Variants in MORC1 observed in about 807,000 individuals in gnomAD.
MORC1 encodes MORC family CW-type zinc finger protein 1.
A neutral mutation model predicts 134.9 loss-of-function variants in MORC1; 59 were observed. That is an observed-to-expected ratio of 0.44 (90% CI 0.35 to 0.54). The LOEUF is 0.54. Among genes scored for constraint, MORC1 ranks in the 20% least tolerant of loss-of-function variants. MORC1 has a pLI of 0.00. For missense variants in MORC1, 947 were observed against 1,134.5 expected (o/e 0.83, Z 2.37); for synonymous variants, 395 against 391.7 (o/e 1.01, Z -0.10).
intron 21 of MORC1, among the ~76,000 whole-genome samples, chr3:108,991,991 T>C (rs1948075128): frequency 6.6e-6 from 1 of 152,138 alleles, no homozygotes. Context: ...TGGTCTTTAG[T>C]TTCTCCTTTT....
chr3:109,004,764 T>TC (rs1187662326), intron 20 of MORC1, 53 bp downstream of exon 20: 9 of 1,514,216 alleles, frequency 5.9e-6, no homozygotes, highest in Non-Finnish European at 8.2e-6. Flanking sequence ...ATTAAAGGTT[T>TC]ATCCTATATG....
intron 21 of MORC1, among the ~76,000 whole-genome samples, chr3:108,990,184 T>C (rs1948007705): frequency 6.6e-6 from 1 of 152,172 alleles, no homozygotes; most frequent in African/African-American, 2.4e-5. Context: ...TTCATAGCAG[T>C]ATGAAAATGG....
At chr3:109,059,688 G>A (rs1051862525) in intron 12 of MORC1, 118 bp downstream of exon 12, 3 of 709,542 alleles carry the variant, frequency 4.2e-6, no homozygotes, top group Non-Finnish European at 6.8e-6. Flanking sequence ...CAGATTATAA[G>A]ATGTCACAAG....
intron 17 of MORC1, among the ~76,000 whole-genome samples, chr3:109,018,525 G>A (rs562815937): frequency 2.0e-5 from 3 of 151,976 alleles, no homozygotes; most frequent in South Asian, 2.1e-4. Context: ...TACAACTCAG[G>A]GCCCTTCCCA....
rs1378622617 is a variant in MORC1 at position 109,117,993 on chromosome 3, A to G, written c.65+2T>C. 6.3e-7 allele frequency: 1 copy of G among 1,598,396 alleles called. No individual in the cohort carries two copies. Among genetic ancestry groups the G allele is most frequent in the East Asian group, 2.3e-5 (1 of 44,054 alleles). On this transcript the variant is annotated splice_donor_variant, in intron 1 of 27. Transcript: ENST00000232603. LOFTEE classifies it high-confidence loss of function. The stretch of plus-strand genomic sequence containing the variant: ...CGACCCCGACCCCACCTCGGCACTC[A>G]CGAGTTGGCGTGGATGAAATCCAGA...
chr3:108,994,014 T>C (rs1393518749), intron 21 of MORC1, among the ~76,000 whole-genome samples: 1 of 152,158 alleles, frequency 6.6e-6, no homozygotes, highest in Non-Finnish European at 1.5e-5. Context: ...TCTTAGGGAT[T>C]CAGAGTGCAC....
intron 17 of MORC1, among the ~76,000 whole-genome samples, chr3:109,016,737 G>A (rs1431285830): frequency 2.6e-5 from 4 of 152,120 alleles, no homozygotes; most frequent in Non-Finnish European, 5.9e-5. Flanking sequence ...GGTGGCGGGC[G>A]CCTGTAATCC....
chr3:109,002,984 C>A (rs551594739), intron 20 of MORC1, among the ~76,000 whole-genome samples: 1 of 152,222 alleles, frequency 6.6e-6, no homozygotes, highest in South Asian at 2.1e-4. Context: ...CTTTTCCTCC[C>A]CTTCTACCAA....
chr3:108,975,891 C>A (rs1322407190), intron 24 of MORC1, among the ~76,000 whole-genome samples: 2 of 152,056 alleles, frequency 1.3e-5, no homozygotes, highest in Non-Finnish European at 2.9e-5. Context: ...TAACTTAACA[C>A]CACTCAGTTG....
Position 109,054,735 on chromosome 3 carries a change from G to T in MORC1, c.1323C>A (p.Thr441=), listed in dbSNP as rs369150269. Residue 441 remains threonine (T), a synonymous_variant, in exon 14 of 28, where the codon ACC becomes ACA. Coordinates refer to ENST00000232603, the MANE Select transcript of MORC1 (RefSeq NM_014429.4). The part of the protein sequence containing the change: ...GQYLVQYCKD[T]GINNRNLTLF... ...TGACTATTGAATACTCACTGATGCCGGTGTCCTTACAGTACTGGACCAAGT... is the reference window on the plus strand; with the variant it reads ...TGACTATTGAATACTCACTGATGCCTGTGTCCTTACAGTACTGGACCAAGT... 1 of 1,539,520 alleles carries T rather than the reference G, an allele frequency of 6.5e-7. No individual in the cohort carries two copies. The highest frequency in any genetic ancestry group is 8.7e-7 in the Non-Finnish European group (1 of 1,152,902).
At chr3:109,037,150 G>C (rs1320417009) in intron 14 of MORC1, among the ~76,000 whole-genome samples, 1 of 152,126 alleles carries the variant, frequency 6.6e-6, no homozygotes, top group Non-Finnish European at 1.5e-5. Context: ...CTGGGTCTGG[G>C]GGTTAATGGC....
At chr3:109,081,128 T>C (rs1950512358) in intron 8 of MORC1, among the ~76,000 whole-genome samples, 1 of 152,092 alleles carries the variant, frequency 6.6e-6, no homozygotes, top group East Asian at 1.9e-4. Context: ...ATCTAAATCA[T>C]GGTTAAGGAA....
At chr3:109,057,747 T>A (rs919650071) in intron 12 of MORC1, among the ~76,000 whole-genome samples, 5 of 152,154 alleles carry the variant, frequency 3.3e-5, no homozygotes, top group Non-Finnish European at 7.3e-5. Context: ...AACTAGAAAA[T>A]GCTAAAAGAG....
At chr3:109,081,224 TAA>T (rs1341604548) in intron 8 of MORC1, among the ~76,000 whole-genome samples, 1 of 152,106 alleles carries the variant, frequency 6.6e-6, no homozygotes, top group Non-Finnish European at 1.5e-5. Context: ...AAAAATTTTA[TAA>T]GACAAATAAC....
At chr3:109,057,253 G>A in intron 13 of MORC1, 90 bp downstream of exon 13, 1 of 1,345,884 alleles carries the variant, frequency 7.4e-7, no homozygotes, top group East Asian at 2.4e-5. Flanking sequence ...TGCTCCCATT[G>A]TGATTAGTCA....
At chr3:109,036,495 T>TA (rs759024467) in intron 14 of MORC1, among the ~76,000 whole-genome samples, 4 of 152,138 alleles carry the variant, frequency 2.6e-5, no homozygotes, top group Non-Finnish European at 4.4e-5. Context: ...TGAGTATCTG[T>TA]ACATGTGCAT....
chr3:108,963,738 T>A, intron 26 of MORC1, 130 bp from the exon 27 acceptor site: 1 of 615,438 alleles, frequency 1.6e-6, no homozygotes, highest in Non-Finnish European at 2.7e-6. Flanking sequence ...GGTCTAAATT[T>A]AGGAAATATT....
chr3:109,001,012 T>A (rs1474052425), intron 20 of MORC1, among the ~76,000 whole-genome samples: 2 of 152,228 alleles, frequency 1.3e-5, no homozygotes, highest in African/African-American at 4.8e-5. Flanking sequence ...CTGATTAAAT[T>A]CATTTTTCAA....
chr3:109,015,178 C>T (rs907432251), intron 17 of MORC1, among the ~76,000 whole-genome samples: 3 of 152,104 alleles, frequency 2.0e-5, no homozygotes, highest in African/African-American at 7.2e-5. Flanking sequence ...GCCACCACAC[C>T]CAGCCCCAAA....
Sources: gnomAD v4.1 joint callset for allele counts (sites outside exome capture counted in the v4.1 genomes callset) on GRCh38, gnomAD v4.1.1 for gene constraint, MANE v1.5 for transcripts, NCBI Gene and HGNC (gene_info 2026-07-23, HGNC 2026-07-21) for gene names.